ZBTB20: variants seen among roughly 807,000 people sequenced by gnomAD.
ZBTB20 encodes the protein zinc finger and BTB domain-containing protein 20.
Under a neutral mutation model 56.9 loss-of-function variants are expected in ZBTB20, and 9 were observed. The observed-to-expected ratio is 0.16, with a 90% CI of 0.10 to 0.28. ZBTB20 has a LOEUF of 0.28. Among genes scored for constraint, ZBTB20 ranks in the 10% least tolerant of loss-of-function variants. The pLI, the probability that ZBTB20 is intolerant of heterozygous loss-of-function variation, is 1.00. For synonymous variants in ZBTB20, 417 were observed against 420.7 expected (o/e 0.99, Z 0.11); for missense variants, 655 against 1,003.0 (o/e 0.65, Z 4.69).
At chr3:115,144,282 T>C (rs2084902790) in intron 1 of ZBTB20, among the ~76,000 whole-genome samples, 1 of 152,174 alleles carries the variant, frequency 6.6e-6, no homozygotes, top group African/African-American at 2.4e-5. Flanking sequence ...AACAACCTAA[T>C]TATTCAGACT....
At chr3:115,135,481 A>T (rs1560599252) in intron 1 of ZBTB20, among the ~76,000 whole-genome samples, 1 of 152,190 alleles carries the variant, frequency 6.6e-6, no homozygotes, top group Non-Finnish European at 1.5e-5. Flanking sequence ...AATACACTCC[A>T]GCTATTAATC....
chr3:115,119,500 C>A (rs2084119347), intron 1 of ZBTB20, among the ~76,000 whole-genome samples: 1 of 151,848 alleles, frequency 6.6e-6, no homozygotes, highest in Admixed American at 6.6e-5. Flanking sequence ...ATTCACAAAA[C>A]CCTGTATAAT....
chr3:114,797,687 G>C (rs1342450774), intron 5 of ZBTB20, among the ~76,000 whole-genome samples: 4 of 151,920 alleles, frequency 2.6e-5, no homozygotes, highest in African/African-American at 9.7e-5. Context: ...GGTTTGAAGA[G>C]AGAACTTTGT....
At chr3:114,639,826 C>T (rs1578111767) in intron 6 of ZBTB20, among the ~76,000 whole-genome samples, 1 of 152,056 alleles carries the variant, frequency 6.6e-6, no homozygotes, top group African/African-American at 2.4e-5. Flanking sequence ...TGGAGCATTT[C>T]ATAGGCAGAA....
At chr3:115,040,602 TA>T (rs2081102428) in intron 2 of ZBTB20, among the ~76,000 whole-genome samples, 1 of 152,064 alleles carries the variant, frequency 6.6e-6, no homozygotes, top group Admixed American at 6.6e-5. Flanking sequence ...AGGTATAAAG[TA>T]TGGAAAGAGT....
At chr3:114,688,424 A>C (rs186436572) in intron 6 of ZBTB20, 2 of 152,100 alleles carry the variant, frequency 1.3e-5, no homozygotes, top group Non-Finnish European at 2.9e-5. Flanking sequence ...AACTGTGTCA[A>C]GTTGTGTTTG....
chr3:114,833,784 T>C (rs2073977990), intron 4 of ZBTB20, among the ~76,000 whole-genome samples: 1 of 151,798 alleles, frequency 6.6e-6, no homozygotes, highest in Middle Eastern at 3.4e-3. Context: ...ATCCTCTCCT[T>C]GGTCTCCCAA....
chr3:114,637,319 C>T (rs1244010396), intron 6 of ZBTB20, among the ~76,000 whole-genome samples: 3 of 152,028 alleles, frequency 2.0e-5, no homozygotes, highest in African/African-American at 7.2e-5. Context: ...GAGCAAGAGA[C>T]AGCAGTAGGC....
At position 114,482,447 on chromosome 3, in the gene ZBTB20, T is replaced by C. The variant is rs556781798; in HGVS notation, c.-255+17905A>G. Reference sequence around the variant, plus strand: ...TGGAGGCCAAATCTGAGTTACCTCATAGATAAGGAAAGAAGGCCTGTGATT... The same window carrying C: ...TGGAGGCCAAATCTGAGTTACCTCACAGATAAGGAAAGAAGGCCTGTGATT... On this transcript the variant is annotated intron_variant, in intron 7 of 11. Coordinates refer to ENST00000675478, the MANE Select transcript of ZBTB20 (RefSeq NM_001348800.3). Among the ~76,000 whole-genome samples the C allele has an allele frequency of 2.6e-5, 4 of 152,152 alleles. No homozygotes were observed. In the East Asian group the frequency reaches 7.7e-4, roughly 29 times the overall value.
rs1312097455 is a variant in ZBTB20, at chr3:114,350,644, G to T, written c.1434C>A (p.Arg478=). Residue 478 remains arginine, a synonymous_variant, in exon 11 of 12, where the codon CGC becomes CGA. Coordinates refer to ENST00000675478, the MANE Select transcript of ZBTB20 (RefSeq NM_001348800.3). ...GGTTGCTGGTGAGGGTTTCTGTCTG[G>T]CGTAAGTAGAGCTGGGTACTTGGCA... ...QPLPSTQLYL[R]QTETLTSNLR... is the part of the protein sequence containing the mutation. The T allele has an allele frequency of 1.2e-6, 2 of 1,614,118 alleles. No homozygotes were observed. Among genetic ancestry groups the T allele is most frequent in the East Asian group, 2.2e-5 (1 of 44,898 alleles).
intron 6 of ZBTB20, among the ~76,000 whole-genome samples, chr3:114,531,735 C>G (rs566276465): frequency 1.3e-5 from 2 of 152,276 alleles, no homozygotes; most frequent in Admixed American, 6.5e-5. Context: ...TCTGCAGCTC[C>G]CAGCAAGATC....
At chr3:114,643,589 T>C (rs577737609) in intron 6 of ZBTB20, among the ~76,000 whole-genome samples, 88 of 152,260 alleles carry the variant, frequency 5.8e-4, no homozygotes, top group African/African-American at 1.8e-3. Context: ...ACTAGACATG[T>C]TTTCCTGCAT....
chr3:115,078,613 G>GTGTATATATATATATATATATATA (rs769630983), intron 1 of ZBTB20, among the ~76,000 whole-genome samples: 4 of 137,828 alleles, frequency 2.9e-5, no homozygotes, highest in African/African-American at 1.1e-4. Flanking sequence ...GTGTGTGTGT[G>GTGTATATATATATATATATATATA]TATATATATA....
intron 7 of ZBTB20, among the ~76,000 whole-genome samples, chr3:114,491,498 A>G (rs191491919): frequency 6.7e-4 from 101 of 151,388 alleles, no homozygotes; most frequent in African/African-American, 2.4e-3. Context: ...ACCTTTCAGT[A>G]CCAAATCTAC....
intron 4 of ZBTB20, among the ~76,000 whole-genome samples, chr3:114,829,681 A>G (rs1024117790): frequency 5.9e-5 from 9 of 151,918 alleles, no homozygotes; most frequent in Non-Finnish European, 1.3e-4. Context: ...CGGGAGATGC[A>G]AGTATAACTT....
chr3:114,848,747 C>T (rs142614713), intron 4 of ZBTB20, among the ~76,000 whole-genome samples: 6 of 152,336 alleles, frequency 3.9e-5, no homozygotes, highest in East Asian at 3.9e-4. Flanking sequence ...CTGTCCTGCA[C>T]GCTTTGGCTT....
chr3:115,018,541 G>A (rs1213461470), intron 2 of ZBTB20, among the ~76,000 whole-genome samples: 2 of 151,262 alleles, frequency 1.3e-5, no homozygotes, highest in Non-Finnish European at 3.0e-5. Context: ...ATTAACTATG[G>A]CAATTAGCAC....
At chr3:114,819,964 T>G (rs1039519801) in intron 4 of ZBTB20, among the ~76,000 whole-genome samples, 3 of 151,938 alleles carry the variant, frequency 2.0e-5, no homozygotes, top group Non-Finnish European at 4.4e-5. Context: ...GTAAACTAGT[T>G]ATTTTGCCTG....
chr3:114,453,461 T>A (rs905590156), intron 7 of ZBTB20: 1 of 152,198 alleles, frequency 6.6e-6, no homozygotes, highest in African/African-American at 2.4e-5. Flanking sequence ...ATGTACCCCA[T>A]TGGTATTTTG....
Sources: allele counts gnomAD v4.1 joint callset (sites outside exome capture counted in the v4.1 genomes callset), GRCh38; gene constraint gnomAD v4.1.1; transcripts MANE v1.5; gene names NCBI Gene and HGNC (gene_info 2026-07-23, HGNC 2026-07-21).